The following OR6A2 variants were observed in gnomAD, a reference collection of about 807,000 sequenced individuals.
The protein encoded by OR6A2 is olfactory receptor 6A2.
In OR6A2, 6 loss-of-function variants were observed where a neutral mutation model predicts 7.1. The ratio of observed to expected loss-of-function variants is 0.85; its 90% CI spans 0.46 to 1.68. The LOEUF (loss-of-function observed/expected upper bound fraction) is 1.68, where lower values mean the gene tolerates loss of function less well. Among genes scored for constraint, OR6A2 ranks in the 40% most tolerant of loss-of-function variants. OR6A2 has a pLI of 0.01. For synonymous variants in OR6A2, 162 were observed against 152.1 expected (o/e 1.06, Z -0.48); for missense variants, 431 against 398.0 (o/e 1.08, Z -0.71).
At chr11:6,795,951 T>C (rs911993330) in intron 1 of OR6A2, 67 bp from the exon 2 acceptor site, 9 of 442,792 alleles carry the variant, frequency 2.0e-5, no homozygotes, top group African/African-American at 1.7e-4. Context: ...GAGTCTGTTC[T>C]GACCTTTGGA....
intron 1 of OR6A2, among the ~76,000 whole-genome samples, chr11:6,796,638 T>C (rs10769722): frequency 0.27 from 41,145 of 152,092 alleles, 5,794 homozygotes; most frequent in East Asian, 0.47. Context: ...ATGCTGGAAG[T>C]TGTACTAAGT....
chr11:6,797,822 C>A (rs887863239), intron 1 of OR6A2, among the ~76,000 whole-genome samples: 2 of 152,206 alleles, frequency 1.3e-5, no homozygotes, highest in African/African-American at 2.4e-5. Context: ...GTATTTTATA[C>A]CTTGCAGCTC....
chr11:6,794,846 G>T lies in OR6A2; in HGVS notation c.863C>A (p.Pro288Gln). 6.2e-7 allele frequency: 1 copy of T among 1,614,076 alleles called. No individual in the cohort carries two copies. Among genetic ancestry groups the T allele is most frequent in the Non-Finnish European group, 8.5e-7 (1 of 1,179,986 alleles). The change falls in exon 2 of 2, where the codon CCA becomes CAA. Residue 288 changes from proline (P) to glutamine (Q), a missense_variant. By Grantham distance (76) the Pro-to-Gln change is moderately conservative. Transcript: ENST00000641196. ...GCAGTAAATGATGGGATTGAGCAAT[G>T]GTACAATGACAGCATACAGTACAGA... ...LVSVLYAVIV[P>Q]LLNPIIYCLR... is the part of the protein sequence containing the mutation.
rs755730295 is a variant in OR6A2, at chr11:6,794,791, T to C, written c.918A>G (p.Leu306=). 7.4e-6 allele frequency: 12 copies of C among 1,614,128 alleles called. No homozygotes were observed. The highest frequency in any genetic ancestry group is 1.0e-5 in the Non-Finnish European group (12 of 1,179,980). The change falls in exon 2 of 2, where the codon CTA becomes CTG. Residue 306 remains leucine, a synonymous_variant. Coordinates refer to ENST00000641196, the MANE Select transcript of OR6A2 (RefSeq NM_003696.3). The stretch of plus-strand genomic sequence containing the variant: ...GCTGGTACAGGTGCAGAGTACAGCA[T>C]AGGGCTCTCTTGACCTCTTGATTGC... ...CLRNQEVKRA[L]CCTLHLYQHQ... is the part of the protein sequence containing the mutation.
At chr11:6,797,970 A>T (rs949523309) in intron 1 of OR6A2, among the ~76,000 whole-genome samples, 1 of 151,076 alleles carries the variant, frequency 6.6e-6, no homozygotes, top group African/African-American at 2.4e-5. Context: ...TTTTTTTTTT[A>T]AACTTTTCCC....
intron 1 of OR6A2, among the ~76,000 whole-genome samples, chr11:6,798,143 G>A (rs918956243): frequency 1.3e-5 from 2 of 152,110 alleles, no homozygotes; most frequent in African/African-American, 2.4e-5. Flanking sequence ...GGTGGAGTAT[G>A]GAGTGGATAT....
In OR6A2 at chr11:6,794,117, A is replaced by G. The variant is rs1476039631; in HGVS notation, c.*608T>C. 2.0e-5 allele frequency: 3 copies of G among 153,476 alleles called. No homozygotes were observed. Among genetic ancestry groups the G allele is most frequent in the African/African-American group, 7.3e-5 (3 of 41,328 alleles). The allele number at this position is 153,476 out of a possible 1,614,324, so 9.5% of individuals were successfully genotyped here. A position where few individuals can be genotyped will look rare whatever the true frequency, so the allele number is the denominator to read the frequency against. On this transcript the variant is annotated 3_prime_UTR_variant, in exon 2 of 2. Coordinates refer to ENST00000641196, the MANE Select transcript of OR6A2 (RefSeq NM_003696.3). ...TATTCATAGCCATCATGCACTAGAT[A>G]CTGTTCCTGCCCATGGTAATAAAAG... is the stretch of plus-strand genomic sequence containing the variant.
Position 6,794,239 on chromosome 11 carries a change from A to G in OR6A2, c.*486T>C, listed in dbSNP as rs552604692. On this transcript the variant is annotated 3_prime_UTR_variant, in exon 2 of 2. Transcript: ENST00000641196. The stretch of plus-strand genomic sequence containing the variant: ...ACAACTGCACTCAGCCACTAGTTCA[A>G]TGTGGACACTGACCACAGTAAATTT... 4 of 158,838 alleles carry G rather than the reference A, an allele frequency of 2.5e-5. No homozygotes were observed. In the East Asian group the frequency reaches 5.5e-4, roughly 22 times the overall value. 9.8% of individuals were successfully genotyped at this position (158,838 alleles called of 1,614,324 possible).
At position 6,795,068 on chromosome 11, in the gene OR6A2, C is replaced by T. The variant is rs574255350; in HGVS notation, c.641G>A (p.Gly214Glu). ...GGAGGCCCCAGTGACAGAGAGTGGC[C>T]CTAGAAGAATAAAAATGGCCAGGAT... ...DFILAIFILL[G>E]PLSVTGASYV... Residue 214 changes from glycine (G) to glutamate (E), a missense_variant, in exon 2 of 2, where the codon GGG becomes GAG. By Grantham distance (98) the Gly-to-Glu change is moderately conservative. Transcript: ENST00000641196. The T allele has an allele frequency of 5.6e-6, 9 of 1,613,942 alleles. No homozygotes were observed. The African/African-American group carries it at 1.1e-4, about 19-fold the overall frequency.
In OR6A2 at chr11:6,795,493, G is replaced by A. The variant is rs145826963; in HGVS notation, c.216C>T (p.Ile72=). Residue 72 remains isoleucine (I), a synonymous_variant, in exon 2 of 2, where the codon ATC becomes ATT. Transcript: ENST00000641196. ...FFLANMSFLE[I]WYVTVTIPKM... is the part of the protein sequence containing the mutation. ...TGGGAATAGTGACAGTGACATACCAGATCTCCAGAAAGGACATATTAGCTA... is the reference window on the plus strand; with the variant it reads ...TGGGAATAGTGACAGTGACATACCAAATCTCCAGAAAGGACATATTAGCTA... 2.3e-5 allele frequency: 37 copies of A among 1,614,142 alleles called. No individual in the cohort carries two copies. Among genetic ancestry groups the A allele is most frequent in the Middle Eastern group, 3.3e-4 (2 of 6,060 alleles).
At chr11:6,799,056 A>C (rs1301731228) in intron 1 of OR6A2, among the ~76,000 whole-genome samples, 1 of 152,228 alleles carries the variant, frequency 6.6e-6, no homozygotes, top group Non-Finnish European at 1.5e-5. Flanking sequence ...TAGAGAATTT[A>C]AGTGGCTAAC....
rs1847696320 is a variant in OR6A2 at position 6,792,185 on chromosome 11, T to C, written c.*2540A>G. The C allele has an allele frequency of 3.3e-5, 5 of 152,364 alleles. No homozygotes were observed. The South Asian group carries it at 1.0e-3, about 32-fold the overall frequency. 9.4% of individuals were successfully genotyped at this position (152,364 alleles called of 1,614,324 possible). On this transcript the variant is annotated 3_prime_UTR_variant, in exon 2 of 2. Coordinates refer to ENST00000641196, the MANE Select transcript of OR6A2 (RefSeq NM_003696.3). ...TGCTGTTTATCAAGAAGGATTTTTG[T>C]TTCCTGATCCTGGTCAATGTGATGT...
rs191021043 is a variant in OR6A2 at position 6,798,239 on chromosome 11, A to G, written c.-177+1305T>C. ...GCAAGTTATTCCTCTATTACAATAA[A>G]TGGCATTAGCTTTCATACAGTCGCC... On this transcript the variant is annotated intron_variant, in intron 1 of 1. Transcript: ENST00000641196. Among the ~76,000 whole-genome samples the G allele has an allele frequency of 5.1e-3, 776 of 152,258 alleles. 7 individuals carry two copies. Among genetic ancestry groups the G allele is most frequent in the Middle Eastern group, 0.024 (7 of 294 alleles).
chr11:6,793,428 T>C lies in OR6A2; in HGVS notation c.*1297A>G, dbSNP rs968666461. On this transcript the variant is annotated 3_prime_UTR_variant, in exon 2 of 2. Transcript: ENST00000641196. ...CAGAGTTCTGGTTGTCGGGTGACAG[T>C]AGGGAGCTAAATTTCTGAAAATCAT... is the stretch of plus-strand genomic sequence containing the variant. The C allele has an allele frequency of 1.2e-4, 19 of 152,170 alleles. No homozygotes were observed. The highest frequency in any genetic ancestry group is 3.6e-4 in the African/African-American group (15 of 41,446). 9.4% of individuals were successfully genotyped at this position (152,170 alleles called of 1,614,324 possible). A position where few individuals can be genotyped will look rare whatever the true frequency, so the allele number is the denominator to read the frequency against.
chr11:6,797,138 A>C (rs1167192019), intron 1 of OR6A2, among the ~76,000 whole-genome samples: 1 of 152,186 alleles, frequency 6.6e-6, no homozygotes, highest in East Asian at 1.9e-4. Flanking sequence ...CTGTAATGCA[A>C]TTACAAAATA....
chr11:6,795,258 C>A lies in OR6A2; in HGVS notation c.451G>T (p.Ala151Ser), dbSNP rs374055951. 1.9e-6 allele frequency: 3 copies of A among 1,612,932 alleles called. No individual in the cohort carries two copies. Among genetic ancestry groups the A allele is most frequent in the Admixed American group, 1.7e-5 (1 of 59,906 alleles). ...VSGRLCVQMA[A>S]GSWAGGFGIS... ...CCAAAACCTCCAGCCCAAGAGCCAG[C>A]AGCCATCTGCACACACAGCCGGCCA... The change falls in exon 2 of 2, where the codon GCT becomes TCT. Residue 151 changes from alanine to serine, a missense_variant. Transcript: ENST00000641196.
chr11:6,795,604 G>A lies in OR6A2; in HGVS notation c.105C>T (p.Ala35=). 1.2e-6 allele frequency: 2 copies of A among 1,614,046 alleles called. No individual in the cohort carries two copies. The highest frequency in any genetic ancestry group is 1.3e-5 in the African/African-American group (1 of 75,012). Residue 35 remains alanine (A), a synonymous_variant, in exon 2 of 2, where the codon GCC becomes GCT. Transcript: ENST00000641196. Reference sequence around the variant, plus strand: ...TGTTCTCAGTCAGCACCAACACATAGGCCAGCAGCAAAAGGGCAAACAATA... The same window carrying A: ...TGTTCTCAGTCAGCACCAACACATAAGCCAGCAGCAAAAGGGCAAACAATA... ...QVLLFALLLL[A]YVLVLTENTL...
Position 6,795,325 on chromosome 11 carries a change from A to G in OR6A2, c.384T>C (p.Tyr128=). 6.2e-7 allele frequency: 1 copy of G among 1,614,082 alleles called. No individual in the cohort carries two copies. Among genetic ancestry groups the G allele is most frequent in the Non-Finnish European group, 8.5e-7 (1 of 1,180,002 alleles). Reference sequence around the variant, plus strand: ...AGTGGAGAGGATAGCAGATGGCCATATAGCGATCATAGGCCATAACAGCGA... The same window carrying G: ...AGTGGAGAGGATAGCAGATGGCCATGTAGCGATCATAGGCCATAACAGCGA... ...VLLAVMAYDR[Y]MAICYPLHYP... The change falls in exon 2 of 2, where the codon TAT becomes TAC. Residue 128 remains tyrosine (Y), a synonymous_variant. Coordinates refer to ENST00000641196, the MANE Select transcript of OR6A2 (RefSeq NM_003696.3).
In OR6A2 at chr11:6,793,767, T is replaced by C. The variant is rs1589998102; in HGVS notation, c.*958A>G. ...ATTTCAATTTCTGCATAGTTTTCCA[T>C]GTAACATATGAGCTACAATTTATTT... is the stretch of plus-strand genomic sequence containing the variant. On this transcript the variant is annotated 3_prime_UTR_variant, in exon 2 of 2. Coordinates refer to ENST00000641196, the MANE Select transcript of OR6A2 (RefSeq NM_003696.3). The C allele has an allele frequency of 6.6e-6, 1 of 152,212 alleles. No individual in the cohort carries two copies. 9.4% of individuals were successfully genotyped at this position (152,212 alleles called of 1,614,324 possible). A position where few individuals can be genotyped will look rare whatever the true frequency, so the allele number is the denominator to read the frequency against.
Sources: allele counts gnomAD v4.1 joint callset (sites outside exome capture counted in the v4.1 genomes callset), GRCh38; gene constraint gnomAD v4.1.1; transcripts MANE v1.5; gene names NCBI Gene and HGNC (gene_info 2026-07-23, HGNC 2026-07-21).